The following ASAP1 variants were observed in gnomAD, a reference collection of about 807,000 sequenced individuals.
The protein encoded by ASAP1 is ArfGAP with SH3 domain, ankyrin repeat and PH domain 1, also known as arf-GAP with SH3 domain, ANK repeat and PH domain-containing protein 1.
Under a neutral mutation model 145.2 loss-of-function variants are expected in ASAP1, and 43 were observed. The observed-to-expected ratio is 0.30, with a 90% CI of 0.23 to 0.38. The LOEUF is 0.38. ASAP1 is among the 10% of genes least tolerant of loss of function. ASAP1 has a pLI of 1.00. For missense variants in ASAP1, 1,018 were observed against 1,355.3 expected (o/e 0.75, Z 3.91); for synonymous variants, 546 against 515.5 (o/e 1.06, Z -0.80).
chr8:130,055,586 C>T (rs1431896606), intron 29 of ASAP1, among the ~76,000 whole-genome samples: 1 of 151,284 alleles, frequency 6.6e-6, no homozygotes, highest in Non-Finnish European at 1.5e-5. Flanking sequence ...TTCTGGTTAC[C>T]GTGGAGGAAG....
chr8:130,263,043 G>A, intron 3 of ASAP1, among the ~76,000 whole-genome samples: 1 of 152,176 alleles, frequency 6.6e-6, no homozygotes, highest in East Asian at 1.9e-4. Flanking sequence ...TCCATCCCCA[G>A]AAATACCTGA....
intron 3 of ASAP1, among the ~76,000 whole-genome samples, chr8:130,344,586 A>G (rs549205763): frequency 6.6e-6 from 1 of 152,350 alleles, no homozygotes; most frequent in Admixed American, 6.5e-5. Flanking sequence ...ACAGCAAGCA[A>G]ACTGGCTGGG....
chr8:130,401,976 T>C lies in ASAP1; in HGVS notation c.-27-6A>G, dbSNP rs949716373. On this transcript the variant is annotated splice_polypyrimidine_tract_variant and splice_region_variant and intron_variant, in intron 1 of 29. Coordinates refer to ENST00000518721, the MANE Select transcript of ASAP1 (RefSeq NM_018482.4). The stretch of plus-strand genomic sequence containing the variant: ...CCGTCACATCAGAAAACGACCTGGA[T>C]AGGGGGCAGGACAAAAAGGGGACAA... The C allele has an allele frequency of 1.9e-6, 3 of 1,601,168 alleles. No homozygotes were observed. The highest frequency in any genetic ancestry group is 2.6e-6 in the Non-Finnish European group (3 of 1,170,988).
chr8:130,224,413 T>C (rs1817472595), intron 4 of ASAP1, among the ~76,000 whole-genome samples: 1 of 152,194 alleles, frequency 6.6e-6, no homozygotes. Context: ...AAGTAATTCA[T>C]ATGCTATTAC....
intron 3 of ASAP1, among the ~76,000 whole-genome samples, chr8:130,330,984 G>A (rs2137789250): frequency 6.6e-6 from 1 of 152,160 alleles, no homozygotes; most frequent in East Asian, 1.9e-4. Context: ...ATGGGCTTTG[G>A]CATCAGAAAG....
chr8:130,227,562 T>C (rs1817657672), intron 4 of ASAP1, among the ~76,000 whole-genome samples: 2 of 151,928 alleles, frequency 1.3e-5, no homozygotes, highest in South Asian at 4.1e-4. Context: ...ACCTGGACTC[T>C]CCAAACTATT....
chr8:130,350,487 A>G (rs1301276788), intron 3 of ASAP1, among the ~76,000 whole-genome samples: 1 of 152,238 alleles, frequency 6.6e-6, no homozygotes, highest in Admixed American at 6.5e-5. Context: ...CAATGAGGTA[A>G]CACTTTGCTT....
At chr8:130,188,588 G>A (rs1167953440) in intron 5 of ASAP1, among the ~76,000 whole-genome samples, 1 of 151,964 alleles carries the variant, frequency 6.6e-6, no homozygotes, top group Non-Finnish European at 1.5e-5. Flanking sequence ...ACAAAAATTA[G>A]CCAGGTATGG....
intron 3 of ASAP1, among the ~76,000 whole-genome samples, chr8:130,283,440 T>C (rs1302915365): frequency 3.3e-5 from 5 of 151,846 alleles, no homozygotes; most frequent in African/African-American, 1.2e-4. Context: ...TAGCTGCGCA[T>C]GGTGGCATGC....
chr8:130,276,212 T>A (rs1346548274), intron 3 of ASAP1, among the ~76,000 whole-genome samples: 1 of 152,196 alleles, frequency 6.6e-6, no homozygotes, highest in East Asian at 1.9e-4. Context: ...TCGTTCCTCA[T>A]TTGTTTAAAA....
intron 3 of ASAP1, among the ~76,000 whole-genome samples, chr8:130,312,890 G>A (rs549195073): frequency 6.6e-6 from 1 of 152,282 alleles, no homozygotes; most frequent in East Asian, 1.9e-4. Flanking sequence ...GAGGGAATAA[G>A]CACGTGAGAA....
At chr8:130,139,412 C>G (rs1187394072) in intron 13 of ASAP1, among the ~76,000 whole-genome samples, 13 of 152,160 alleles carry the variant, frequency 8.5e-5, no homozygotes, top group Non-Finnish European at 1.5e-5. Context: ...TAGAGAAGGA[C>G]TGCCTTTGAA....
chr8:130,201,045 T>C (rs141044744), intron 5 of ASAP1, among the ~76,000 whole-genome samples: 2 of 152,300 alleles, frequency 1.3e-5, no homozygotes, highest in East Asian at 3.9e-4. Flanking sequence ...TTGTTGGTTA[T>C]GAAATCCCAG....
chr8:130,173,712 G>A (rs575825496), intron 9 of ASAP1, among the ~76,000 whole-genome samples: 2 of 151,718 alleles, frequency 1.3e-5, no homozygotes, highest in African/African-American at 4.8e-5. Flanking sequence ...AAGCTGCAGT[G>A]AGCTAGGATT....
At chr8:130,419,086 G>A (rs1387932190) in intron 1 of ASAP1, among the ~76,000 whole-genome samples, 1 of 152,194 alleles carries the variant, frequency 6.6e-6, no homozygotes, top group African/African-American at 2.4e-5. Context: ...CTGGAGGCCA[G>A]GGTCCCGCAC....
At chr8:130,432,871 C>T (rs1214978019) in intron 1 of ASAP1, among the ~76,000 whole-genome samples, 1 of 152,172 alleles carries the variant, frequency 6.6e-6, no homozygotes. Flanking sequence ...GGGAATAGGA[C>T]CCAGTGATTC....
At chr8:130,185,321 T>C (rs1814641008) in intron 7 of ASAP1, among the ~76,000 whole-genome samples, 1 of 152,238 alleles carries the variant, frequency 6.6e-6, no homozygotes, top group Non-Finnish European at 1.5e-5. Context: ...CTTTTATTTC[T>C]TCAATGAAAT....
At chr8:130,074,920 C>T (rs1592743443) in intron 27 of ASAP1, among the ~76,000 whole-genome samples, 1 of 152,150 alleles carries the variant, frequency 6.6e-6, no homozygotes, top group Non-Finnish European at 1.5e-5. Context: ...ACAGGAGGGG[C>T]AGGAGCTGAG....
chr8:130,357,348 T>G (rs1396118903), intron 3 of ASAP1, among the ~76,000 whole-genome samples: 6 of 152,224 alleles, frequency 3.9e-5, no homozygotes, highest in Non-Finnish European at 5.9e-5. Flanking sequence ...CGGAGTGCCC[T>G]GCGGGCAGGT....
Sources: gnomAD v4.1 joint callset for allele counts (sites outside exome capture counted in the v4.1 genomes callset) on GRCh38, gnomAD v4.1.1 for gene constraint, MANE v1.5 for transcripts, NCBI Gene and HGNC (gene_info 2026-07-23, HGNC 2026-07-21) for gene names.